Variants in GPR62 observed in about 807,000 individuals in gnomAD.
GPR62 encodes G-protein coupled receptor GPCR8.
For missense variants in GPR62, 513 were observed against 541.5 expected, an observed-to-expected ratio of 0.95 and a Z score of 0.52; for synonymous variants, 280 against 286.9, an observed-to-expected ratio of 0.98 and a Z score of 0.24.
chr3:51,955,768 T>C lies in GPR62; in HGVS notation c.116T>C (p.Val39Ala). The C allele has an allele frequency of 6.2e-7, 1 of 1,601,934 alleles. No homozygotes were observed. Among genetic ancestry groups the C allele is most frequent in the African/African-American group, 1.3e-5 (1 of 74,698 alleles). Residue 39 changes from valine (V) to alanine (A), a missense_variant, in exon 1 of 1, where the codon GTG (valine) becomes GCG (alanine). Physicochemically the swap from Val to Ala is moderately conservative, Grantham distance 64. Transcript: ENST00000322241. ...GGCAACGGCGCGCTGCTGGTCGTGG[T>C]GCTGCGCACGCCGGGACTGCGCGAC... ...LLGNGALLVV[V>A]LRTPGLRDAL...
rs963798805 is a variant in GPR62, at chr3:51,956,878, T to C, written c.*119T>C. ...AGGAGAAAGGGTGTCTGCTGCCTGG[T>C]GAGGCCCACGGACTTCTGAGAGCCA... On this transcript the variant is annotated 3_prime_UTR_variant, in exon 1 of 1. Transcript: ENST00000322241. The C allele has an allele frequency of 1.4e-6, 2 of 1,447,728 alleles. No homozygotes were observed. Among genetic ancestry groups the C allele is most frequent in the African/African-American group, 2.9e-5 (2 of 69,772 alleles). The allele number at this position is 1,447,728 out of a possible 1,614,324, so 89.7% of individuals were successfully genotyped here.
Position 51,957,062 on chromosome 3 carries a change from C to T in GPR62, c.*303C>T. Reference sequence around the variant, plus strand: ...CAGGTGGTCCCCAGGCCAAGATGGGCAGGTGTCACAAAGAAGAGGGCCCTA... The same window carrying T: ...CAGGTGGTCCCCAGGCCAAGATGGGTAGGTGTCACAAAGAAGAGGGCCCTA... On this transcript the variant is annotated 3_prime_UTR_variant, in exon 1 of 1. Coordinates refer to ENST00000322241, the MANE Select transcript of GPR62 (RefSeq NM_080865.4). 1 of 401,822 alleles carries T rather than the reference C, an allele frequency of 2.5e-6. No homozygotes were observed. Among genetic ancestry groups the T allele is most frequent in the Non-Finnish European group, 4.5e-6 (1 of 220,706 alleles). The allele number at this position is 401,822 out of a possible 1,614,324, so 24.9% of individuals were successfully genotyped here.
In GPR62 at chr3:51,957,048, C is replaced by A; in HGVS notation, c.*289C>A. On this transcript the variant is annotated 3_prime_UTR_variant, in exon 1 of 1. Transcript: ENST00000322241. ...GTTTGTGAAACTCACAGGTGGTCCC[C>A]AGGCCAAGATGGGCAGGTGTCACAA... The A allele has an allele frequency of 2.3e-6, 1 of 428,694 alleles. No individual in the cohort carries two copies. Among genetic ancestry groups the A allele is most frequent in the Non-Finnish European group, 4.2e-6 (1 of 240,872 alleles). 26.6% of individuals were successfully genotyped at this position (428,694 alleles called of 1,614,324 possible).
At position 51,956,040 on chromosome 3, in the gene GPR62, G is replaced by A; in HGVS notation, c.388G>A (p.Val130Met). 1 of 1,432,350 alleles carries A rather than the reference G, an allele frequency of 7.0e-7. No homozygotes were observed. Among genetic ancestry groups the A allele is most frequent in the Non-Finnish European group, 9.1e-7 (1 of 1,097,614 alleles). 88.7% of individuals were successfully genotyped at this position (1,432,350 alleles called of 1,614,324 possible). ...PLRPGSRPPP[V>M]LVLTAVWAAA... ...GCGGCCAGGCTCGCGGCCGCCGCCT[G>A]TGCTCGTGCTCACCGCCGTGTGGGC... is the stretch of plus-strand genomic sequence containing the variant. The change falls in exon 1 of 1, where the codon GTG becomes ATG. Residue 130 changes from valine to methionine, a missense_variant. Val to Met is a conservative substitution (Grantham distance 21, BLOSUM62 1). Transcript: ENST00000322241.
At position 51,955,679 on chromosome 3, in the gene GPR62, C is replaced by T. The variant is rs1163244994; in HGVS notation, c.27C>T (p.Ala9=). The change falls in exon 1 of 1, where the codon GCC becomes GCT. Residue 9 remains alanine (A), a synonymous_variant. Transcript: ENST00000322241. ...TGGCCAACTCCACAGGGCTGAACGCCTCAGAAGTCGCAGGCTCGTTGGGGT... is the reference window on the plus strand; with the variant it reads ...TGGCCAACTCCACAGGGCTGAACGCTTCAGAAGTCGCAGGCTCGTTGGGGT... MANSTGLN[A]SEVAGSLGLI... 1 of 1,610,070 alleles carries T rather than the reference C, an allele frequency of 6.2e-7. No homozygotes were observed.
rs752875706 is a variant in GPR62 at position 51,956,539 on chromosome 3, C to G, written c.887C>G (p.Pro296Arg). ...TTCCTGTACGGGCTGCTGCAGCGCCCCGTGCGCTTGGCACTGGGCCGCCTC... is the reference window on the plus strand; with the variant it reads ...TTCCTGTACGGGCTGCTGCAGCGCCGCGTGCGCTTGGCACTGGGCCGCCTC... ...HPFLYGLLQR[P>R]VRLALGRLSR... is the part of the protein sequence containing the mutation. The change falls in exon 1 of 1, where the codon CCC becomes CGC. Residue 296 changes from proline to arginine, a missense_variant. Coordinates refer to ENST00000322241, the MANE Select transcript of GPR62 (RefSeq NM_080865.4). The G allele has an allele frequency of 2.9e-5, 46 of 1,607,664 alleles. No individual in the cohort carries two copies. The East Asian group carries it at 1.0e-3, about 36-fold the overall frequency.
In GPR62 at chr3:51,956,183, C is replaced by G. The variant is rs776372168; in HGVS notation, c.531C>G (p.Ala177=). The G allele has an allele frequency of 2.5e-5, 38 of 1,494,060 alleles. No individual in the cohort carries two copies. In the African/African-American group the frequency reaches 4.8e-4, roughly 19 times the overall value. The allele number at this position is 1,494,060 out of a possible 1,614,324, so 92.6% of individuals were successfully genotyped here. A position where few individuals can be genotyped will look rare whatever the true frequency, so the allele number is the denominator to read the frequency against. The stretch of plus-strand genomic sequence containing the variant: ...TCGGGCCCTTCCGGCCGCTCTGGGC[C>G]CTGCTGGCCTTCGCGCTGCCCGCCC... The part of the protein sequence containing the change: ...GGLGPFRPLW[A]LLAFALPALL... Residue 177 remains alanine (A), a synonymous_variant, in exon 1 of 1, where the codon GCC becomes GCG. Coordinates refer to ENST00000322241, the MANE Select transcript of GPR62 (RefSeq NM_080865.4).
rs747539802 is a variant in GPR62, at chr3:51,956,466, G to A, written c.814G>A (p.Glu272Lys). The A allele has an allele frequency of 2.6e-6, 4 of 1,551,844 alleles. No homozygotes were observed. In the South Asian group the frequency reaches 3.5e-5, roughly 14 times the overall value. Residue 272 changes from glutamate (E) to lysine (K), a missense_variant, in exon 1 of 1, where the codon GAA (glutamate) becomes AAA (lysine). By Grantham distance (56) the Glu-to-Lys change is moderately conservative (BLOSUM62 1). Coordinates refer to ENST00000322241, the MANE Select transcript of GPR62 (RefSeq NM_080865.4). ...LAPAARAAEAEAAVTWVAYSA... is the reference protein window; with the variant it reads ...LAPAARAAEAKAAVTWVAYSA... Reference sequence around the variant, plus strand: ...GCCCGCAGCGCGGGCCGCGGAAGCCGAAGCGGCTGTCACCTGGGTCGCCTA... The same window carrying A: ...GCCCGCAGCGCGGGCCGCGGAAGCCAAAGCGGCTGTCACCTGGGTCGCCTA...
chr3:51,956,929 C>G lies in GPR62; in HGVS notation c.*170C>G. 2.5e-6 allele frequency: 3 copies of G among 1,205,866 alleles called. No homozygotes were observed. The highest frequency in any genetic ancestry group is 3.4e-6 in the Non-Finnish European group (3 of 883,002). 74.7% of individuals were successfully genotyped at this position (1,205,866 alleles called of 1,614,324 possible). ...GGAATCCTGCGGTCTGGGCCCAACA[C>G]TGCATAGCACTGTGCATAGGCCGAC... is the stretch of plus-strand genomic sequence containing the variant. On this transcript the variant is annotated 3_prime_UTR_variant, in exon 1 of 1. Coordinates refer to ENST00000322241, the MANE Select transcript of GPR62 (RefSeq NM_080865.4).
rs1655853053 is a variant in GPR62 at position 51,956,763 on chromosome 3, G to A, written c.*4G>A. On this transcript the variant is annotated 3_prime_UTR_variant, in exon 1 of 1. Transcript: ENST00000322241. ...ACCTGAGAGTTCTCTCTCCTGAGCA[G>A]GAGAAAGGAGGGTGGTTTCCGTGGG... 6.3e-7 allele frequency: 1 copy of A among 1,584,014 alleles called. No individual in the cohort carries two copies. Among genetic ancestry groups the A allele is most frequent in the East Asian group, 2.2e-5 (1 of 44,514 alleles).
chr3:51,956,576 A>G lies in GPR62; in HGVS notation c.924A>G (p.Ala308=). ...RLALGRLSRR[A]LPGPVRACTP... is the part of the protein sequence containing the mutation. ...CACTGGGCCGCCTCTCTCGCCGTGC[A>G]CTGCCTGGACCTGTGCGGGCCTGCA... The change falls in exon 1 of 1, where the codon GCA becomes GCG. Residue 308 remains alanine, a synonymous_variant. Coordinates refer to ENST00000322241, the MANE Select transcript of GPR62 (RefSeq NM_080865.4). The G allele has an allele frequency of 6.2e-7, 1 of 1,611,648 alleles. No homozygotes were observed. The highest frequency in any genetic ancestry group is 8.5e-7 in the Non-Finnish European group (1 of 1,179,650).
In GPR62 at chr3:51,956,431, C is replaced by G; in HGVS notation, c.779C>G (p.Ala260Gly). The change falls in exon 1 of 1, where the codon GCG becomes GGG. Residue 260 changes from alanine to glycine, a missense_variant. Physicochemically the swap from Ala to Gly is moderately conservative, Grantham distance 60. Transcript: ENST00000322241. ...FAACWLPYGC[A>G]CLAPAARAAE... ...GCCTGCTGGCTGCCTTATGGCTGCG[C>G]GTGCCTGGCGCCCGCAGCGCGGGCC... The G allele has an allele frequency of 6.6e-7, 1 of 1,526,362 alleles. No homozygotes were observed. The highest frequency in any genetic ancestry group is 8.7e-7 in the Non-Finnish European group (1 of 1,144,248). The allele number at this position is 1,526,362 out of a possible 1,614,324, so 94.6% of individuals were successfully genotyped here.
Position 51,956,674 on chromosome 3 carries a change from C to T in GPR62, c.1022C>T (p.Pro341Leu). The T allele has an allele frequency of 1.2e-6, 2 of 1,613,138 alleles. No homozygotes were observed. Among genetic ancestry groups the T allele is most frequent in the Non-Finnish European group, 8.5e-7 (1 of 1,180,020 alleles). ...CCCCCAGAGGGCCCTGCCGTAGGCC[C>T]TTCTGAGGCTCCAGAACAGACCCCC... ...QRPPEGPAVGPSEAPEQTPEL... is the reference protein window; with the variant it reads ...QRPPEGPAVGLSEAPEQTPEL... Residue 341 changes from proline to leucine, a missense_variant, in exon 1 of 1, where the codon CCT (proline) becomes CTT (leucine). By Grantham distance (98) the Pro-to-Leu change is moderately conservative. Coordinates refer to ENST00000322241, the MANE Select transcript of GPR62 (RefSeq NM_080865.4).
At position 51,956,341 on chromosome 3, in the gene GPR62, T is replaced by A; in HGVS notation, c.689T>A (p.Leu230His). 1.1e-5 allele frequency: 17 copies of A among 1,553,584 alleles called. No individual in the cohort carries two copies. Among genetic ancestry groups the A allele is most frequent in the Non-Finnish European group, 1.5e-5 (17 of 1,159,520 alleles). The change falls in exon 1 of 1, where the codon CTC becomes CAC. Residue 230 changes from leucine (L) to histidine (H), a missense_variant. Coordinates refer to ENST00000322241, the MANE Select transcript of GPR62 (RefSeq NM_080865.4). ...LDSRLSILPPLRPRLPGGKAA... is the reference protein window; with the variant it reads ...LDSRLSILPPHRPRLPGGKAA... ...AGCCGCCTTTCCATCTTGCCGCCGCTCCGGCCTCGCCTGCCCGGGGGCAAG... is the reference window on the plus strand; with the variant it reads ...AGCCGCCTTTCCATCTTGCCGCCGCACCGGCCTCGCCTGCCCGGGGGCAAG...
At position 51,955,589 on chromosome 3, in the gene GPR62, C is replaced by T; in HGVS notation, c.-64C>T. ...GGAGCAGAGGACAGGTGATGGAAAT[C>T]CTGCAGCTTTAGGCTCCATTCTGCC... On this transcript the variant is annotated 5_prime_UTR_variant, in exon 1 of 1. Coordinates refer to ENST00000322241, the MANE Select transcript of GPR62 (RefSeq NM_080865.4). 1.5e-5 allele frequency: 20 copies of T among 1,346,212 alleles called. No individual in the cohort carries two copies. In the South Asian group the frequency reaches 2.6e-4, roughly 17 times the overall value. 83.4% of individuals were successfully genotyped at this position (1,346,212 alleles called of 1,614,324 possible). A position where few individuals can be genotyped will look rare whatever the true frequency, so the allele number is the denominator to read the frequency against.
rs1335891795 is a variant in GPR62 at position 51,956,377 on chromosome 3, C to T, written c.725C>T (p.Ala242Val). Residue 242 changes from alanine (A) to valine (V), a missense_variant, in exon 1 of 1, where the codon GCC becomes GTC. Ala to Val is a moderately conservative substitution (Grantham distance 64). Coordinates refer to ENST00000322241, the MANE Select transcript of GPR62 (RefSeq NM_080865.4). ...PRLPGGKAAL[A>V]PALAVGQFAA... is the part of the protein sequence containing the mutation. ...CTGCCCGGGGGCAAGGCGGCCCTGG[C>T]CCCAGCGCTGGCCGTGGGCCAATTT... is the stretch of plus-strand genomic sequence containing the variant. 1.3e-6 allele frequency: 2 copies of T among 1,536,202 alleles called. No homozygotes were observed. The highest frequency in any genetic ancestry group is 1.7e-6 in the Non-Finnish European group (2 of 1,149,728).
rs1442651475 is a variant in GPR62, at chr3:51,956,654, A to G, written c.1002A>G (p.Pro334=). 2 of 1,612,760 alleles carry G rather than the reference A, an allele frequency of 1.2e-6. No individual in the cohort carries two copies. The highest frequency in any genetic ancestry group is 1.7e-6 in the Non-Finnish European group (2 of 1,179,990). ...TCTTGCAATGCCTCCAGAGACCCCC[A>G]GAGGGCCCTGCCGTAGGCCCTTCTG... ...RALLQCLQRP[P]EGPAVGPSEA... is the part of the protein sequence containing the mutation. The change falls in exon 1 of 1, where the codon CCA becomes CCG. Residue 334 remains proline, a synonymous_variant. Coordinates refer to ENST00000322241, the MANE Select transcript of GPR62 (RefSeq NM_080865.4).
Position 51,955,763 on chromosome 3 carries a change from C to T in GPR62, c.111C>T (p.Val37=). The T allele has an allele frequency of 6.2e-7, 1 of 1,602,532 alleles. No homozygotes were observed. The change falls in exon 1 of 1, where the codon GTC becomes GTT. Residue 37 remains valine (V), a synonymous_variant. Transcript: ENST00000322241. ...GALLGNGALL[V]VVLRTPGLRD... ...TGCTGGGCAACGGCGCGCTGCTGGTCGTGGTGCTGCGCACGCCGGGACTGC... is the reference window on the plus strand; with the variant it reads ...TGCTGGGCAACGGCGCGCTGCTGGTTGTGGTGCTGCGCACGCCGGGACTGC...
In GPR62 at chr3:51,956,648, AC is replaced by A; in HGVS notation, c.1001del (p.Pro334GlnfsTer6). ...GGGCACTCTTGCAATGCCTCCAGAGACCCCCAGAGGGCCCTGCCGTAGGCCC... is the reference window on the plus strand; with the variant it reads ...GGGCACTCTTGCAATGCCTCCAGAGACCCCAGAGGGCCCTGCCGTAGGCCC... Reference protein sequence around the residue: ...PRALLQCLQRPPEGPAVGPSE... With the variant: ...PRALLQCLQRXPEGPAVGPSE... On this transcript the variant is annotated frameshift_variant, in exon 1 of 1. Coordinates refer to ENST00000322241, the MANE Select transcript of GPR62 (RefSeq NM_080865.4). LOFTEE classifies it low-confidence loss of function (END_TRUNC). 2 of 1,612,592 alleles carry A rather than the reference AC, an allele frequency of 1.2e-6. No individual in the cohort carries two copies. Among genetic ancestry groups the A allele is most frequent in the Non-Finnish European group, 1.7e-6 (2 of 1,179,924 alleles).
Sources: gnomAD v4.1 joint callset for allele counts on GRCh38, gnomAD v4.1.1 for gene constraint, MANE v1.5 for transcripts, NCBI Gene and HGNC (gene_info 2026-07-23, HGNC 2026-07-21) for gene names.